ERH: variants seen among roughly 807,000 people sequenced by gnomAD.
The protein encoded by ERH is ERH mRNA splicing and mitosis factor.
Under a neutral mutation model 16.8 loss-of-function variants are expected in ERH, and 1 was observed. The ratio of observed to expected loss-of-function variants is 0.06; its 90% CI spans 0.02 to 0.28. ERH has a LOEUF of 0.28. Among genes scored for constraint, ERH ranks in the 10% least tolerant of loss-of-function variants. The pLI, the probability that ERH is intolerant of heterozygous loss-of-function variation, is 1.00. For synonymous variants in ERH, 43 were observed against 43.6 expected (o/e 0.99, Z 0.05); for missense variants, 42 against 127.5 (o/e 0.33, Z 3.23).
intron 1 of ERH, among the ~76,000 whole-genome samples, chr14:69,397,499 C>T (rs1300793591): frequency 6.6e-6 from 1 of 150,536 alleles, no homozygotes; most frequent in African/African-American, 2.4e-5. Flanking sequence ...GCTGAAAAAA[C>T]ACTGCAAAGC....
chr14:69,393,306 ACT>A (rs1014880467), intron 2 of ERH, among the ~76,000 whole-genome samples: 1 of 152,034 alleles, frequency 6.6e-6, no homozygotes, highest in African/African-American at 2.4e-5. Flanking sequence ...ACAGAGTGAG[ACT>A]CTGTCTCAAA....
intron 2 of ERH, among the ~76,000 whole-genome samples, chr14:69,388,043 T>TCAAACAAA (rs34457663): frequency 6.6e-6 from 1 of 152,064 alleles, no homozygotes; most frequent in South Asian, 2.1e-4. Flanking sequence ...AGACTCTGTC[T>TCAAACAAA]CAAACAAACA....
intron 1 of ERH, among the ~76,000 whole-genome samples, chr14:69,397,485 GA>G (rs1882375236): frequency 1.3e-5 from 2 of 149,906 alleles, no homozygotes; most frequent in South Asian, 4.2e-4. Flanking sequence ...ACAGGAAAAC[GA>G]AAGCTGAAAA....
chr14:69,394,915 G>T lies in ERH; in HGVS notation c.4-3C>A, dbSNP rs759870476. ...TGTACCAGCAAAATGGTGTGAGACT[G>T]CAGGGGAAAACATGATTTCAATATA... On this transcript the variant is annotated splice_region_variant and splice_polypyrimidine_tract_variant and intron_variant, in intron 1 of 3. Transcript: ENST00000557016. 1.2e-6 allele frequency: 2 copies of T among 1,600,078 alleles called. No individual in the cohort carries two copies. Among genetic ancestry groups the T allele is most frequent in the South Asian group, 1.1e-5 (1 of 89,818 alleles).
At chr14:69,398,200 G>A (rs1236896437) in intron 1 of ERH, 31 bp downstream of exon 1, 4 of 1,613,892 alleles carry the variant, frequency 2.5e-6, no homozygotes, top group Non-Finnish European at 3.4e-6. Flanking sequence ...CCGGGGACTC[G>A]GACTCGGGTA....
intron 3 of ERH, among the ~76,000 whole-genome samples, chr14:69,381,871 G>A (rs2045865493): frequency 1.3e-5 from 2 of 152,194 alleles, no homozygotes; most frequent in South Asian, 4.1e-4. Flanking sequence ...TGTATTTTTA[G>A]TAGAGACCAG....
chr14:69,380,701 C>A, intron 3 of ERH, 61 bp from the exon 4 acceptor site: 1 of 938,534 alleles, frequency 1.1e-6, no homozygotes, highest in Non-Finnish European at 1.7e-6. Context: ...GTGTTTAAAT[C>A]CCCAAATTAT....
At chr14:69,394,019 T>C (rs1387342741) in intron 2 of ERH, among the ~76,000 whole-genome samples, 4 of 150,794 alleles carry the variant, frequency 2.7e-5, no homozygotes, top group African/African-American at 9.8e-5. Context: ...ACCCCGTGTC[T>C]TAAGGAAAAA....
In ERH at chr14:69,391,789, G is replaced by A. The variant is rs61982364; in HGVS notation, c.91+3036C>T. ...TACAGATATGGTAAAAAGATCAGGG[G>A]TTTGGGGGTGGTGGCAGGGAAGGAG... is the stretch of plus-strand genomic sequence containing the variant. On this transcript the variant is annotated intron_variant, in intron 2 of 3. Transcript: ENST00000557016. Among the ~76,000 whole-genome samples, 700 of 152,030 alleles carry A rather than the reference G, an allele frequency of 4.6e-3. 2 individuals carry two copies. Among genetic ancestry groups the A allele is most frequent in the Non-Finnish European group, 7.9e-3 (536 of 67,992 alleles).
At chr14:69,387,219 T>C (rs1289590490) in intron 2 of ERH, 136 bp from the exon 3 acceptor site, 1 of 641,764 alleles carries the variant, frequency 1.6e-6, no homozygotes, top group Non-Finnish European at 2.6e-6. Context: ...GATGATAGAT[T>C]GATGGCTTTT....
chr14:69,394,676 A>C (rs981124520), intron 2 of ERH, 149 bp downstream of exon 2: 1 of 559,582 alleles, frequency 1.8e-6, no homozygotes, highest in African/African-American at 1.9e-5. Flanking sequence ...TTTCCCTCCT[A>C]AAATTAGCAA....
At chr14:69,392,717 T>A (rs777838877) in intron 2 of ERH, among the ~76,000 whole-genome samples, 8 of 152,182 alleles carry the variant, frequency 5.3e-5, no homozygotes, top group Non-Finnish European at 8.8e-5. Context: ...TGAATACTGG[T>A]TCACCACTGT....
At chr14:69,385,299 C>T (rs1474910066) in intron 3 of ERH, among the ~76,000 whole-genome samples, 2 of 152,180 alleles carry the variant, frequency 1.3e-5, no homozygotes, top group East Asian at 1.9e-4. Flanking sequence ...CTTAATGCAT[C>T]CCTGAATTAA....
At chr14:69,395,614 T>C (rs1021206097) in intron 1 of ERH, among the ~76,000 whole-genome samples, 1 of 152,210 alleles carries the variant, frequency 6.6e-6, no homozygotes, top group African/African-American at 2.4e-5. Flanking sequence ...AATAGTATAA[T>C]AATCACAAGC....
chr14:69,396,249 A>G (rs951216069), intron 1 of ERH, among the ~76,000 whole-genome samples: 2 of 152,246 alleles, frequency 1.3e-5, no homozygotes, highest in African/African-American at 4.8e-5. Context: ...CAGGAACCCT[A>G]AACTGTTTTG....
chr14:69,382,391 A>C (rs1318695332), intron 3 of ERH, among the ~76,000 whole-genome samples: 1 of 152,220 alleles, frequency 6.6e-6, no homozygotes, highest in Admixed American at 6.5e-5. Context: ...TTATATTAAC[A>C]CTGGAAAATA....
At chr14:69,394,782 T>C (rs201187994) in intron 2 of ERH, 43 bp downstream of exon 2, 407 of 1,470,358 alleles carry the variant, frequency 2.8e-4, no homozygotes, top group Non-Finnish European at 3.7e-4. Flanking sequence ...ACCCAGTTCC[T>C]AAATGAGACA....
intron 2 of ERH, among the ~76,000 whole-genome samples, chr14:69,390,166 A>C (rs1330612422): frequency 6.6e-6 from 1 of 152,166 alleles, no homozygotes; most frequent in East Asian, 1.9e-4. Context: ...GATTCAACGC[A>C]ATTCCCATAA....
chr14:69,394,287 TAA>T (rs537218621), intron 2 of ERH, among the ~76,000 whole-genome samples: 1 of 145,264 alleles, frequency 6.9e-6, no homozygotes, highest in East Asian at 2.0e-4. Flanking sequence ...TACATTAGTT[TAA>T]AAAAAAAAAA....
Sources: gnomAD v4.1 joint callset for allele counts (sites outside exome capture counted in the v4.1 genomes callset) on GRCh38, gnomAD v4.1.1 for gene constraint, MANE v1.5 for transcripts, NCBI Gene and HGNC (gene_info 2026-07-23, HGNC 2026-07-21) for gene names.